The following RABGAP1L variants were observed in gnomAD, a reference collection of about 807,000 sequenced individuals.
The protein encoded by RABGAP1L is RAB GTPase activating protein 1 like, also known as rab GTPase-activating protein 1-like.
RABGAP1L carries 63 observed loss-of-function variants against 137.7 expected under a neutral mutation model. That is an observed-to-expected ratio of 0.46 (90% CI 0.37 to 0.56). The LOEUF (loss-of-function observed/expected upper bound fraction) is 0.56. Ranked by LOEUF, RABGAP1L falls within the 20% of genes least tolerant of loss-of-function variation. The pLI is 0.00. For missense variants in RABGAP1L, 1,095 were observed against 1,244.0 expected, an observed-to-expected ratio of 0.88 and a Z score of 1.80; for synonymous variants, 431 against 433.7, an observed-to-expected ratio of 0.99 and a Z score of 0.08.
At chr1:174,487,151 T>C (rs574356213) in intron 13 of RABGAP1L, among the ~76,000 whole-genome samples, 57 of 152,314 alleles carry the variant, frequency 3.7e-4, no homozygotes, top group South Asian at 2.5e-3. Flanking sequence ...TGTTCTATAG[T>C]GCAGATTTAA....
chr1:174,501,383 T>C (rs1661267297), intron 13 of RABGAP1L, among the ~76,000 whole-genome samples: 1 of 152,090 alleles, frequency 6.6e-6, no homozygotes. Flanking sequence ...GAGAGGGGGT[T>C]TCACCATGTT....
intron 19 of RABGAP1L, among the ~76,000 whole-genome samples, chr1:174,873,757 C>T (rs1237491032): frequency 2.0e-5 from 3 of 152,112 alleles, no homozygotes; most frequent in Non-Finnish European, 4.4e-5. Context: ...GATCCACGCA[C>T]CTCGTCCTCC....
At chr1:174,637,514 T>G (rs1331805373) in intron 14 of RABGAP1L, 26 bp downstream of exon 14, 1 of 1,488,774 alleles carries the variant, frequency 6.7e-7, no homozygotes, top group Non-Finnish European at 9.3e-7. Context: ...TCACTTTTTC[T>G]AAATTATTTT....
intron 19 of RABGAP1L, among the ~76,000 whole-genome samples, chr1:174,844,097 C>G (rs1196993952): frequency 7.3e-5 from 11 of 151,188 alleles, no homozygotes; most frequent in South Asian, 2.1e-4. Flanking sequence ...TAAATTTGTT[C>G]GAGTTCATTG....
intron 19 of RABGAP1L, among the ~76,000 whole-genome samples, chr1:174,813,217 G>C (rs1051158230): frequency 2.0e-5 from 3 of 152,194 alleles, no homozygotes; most frequent in African/African-American, 7.2e-5. Flanking sequence ...CTTGAGAGAT[G>C]ATGATAGACT....
chr1:174,229,761 T>C (rs937369504), intron 3 of RABGAP1L, among the ~76,000 whole-genome samples: 14 of 152,208 alleles, frequency 9.2e-5, no homozygotes, highest in Non-Finnish European at 1.9e-4. Flanking sequence ...GCATGATTTA[T>C]AATACTTTGG....
At chr1:174,614,108 A>C (rs534447890) in intron 13 of RABGAP1L, among the ~76,000 whole-genome samples, 23 of 152,196 alleles carry the variant, frequency 1.5e-4, no homozygotes, top group African/African-American at 5.3e-4. Context: ...TTATGATGTT[A>C]GCTGGTGATT....
At chr1:174,853,780 A>G (rs1378219348) in intron 19 of RABGAP1L, among the ~76,000 whole-genome samples, 1 of 152,198 alleles carries the variant, frequency 6.6e-6, no homozygotes, top group African/African-American at 2.4e-5. Flanking sequence ...TCCAAAGCCC[A>G]AACCTGGCTC....
Position 174,815,132 on chromosome 1 carries a change from C to G in RABGAP1L, c.2340+3172C>G, listed in dbSNP as rs189176911. Among the ~76,000 whole-genome samples the G allele has an allele frequency of 9.2e-5, 14 of 152,332 alleles. No homozygotes were observed. In the East Asian group the frequency reaches 2.5e-3, roughly 27 times the overall value. ...AACACTAAGACCTATCCCACTGTTC[C>G]TACCACCTCCCCGTTCCCCACTCTG... On this transcript the variant is annotated intron_variant, in intron 19 of 25. Transcript: ENST00000681986.
At chr1:174,283,968 A>G (rs754492722) in intron 10 of RABGAP1L, among the ~76,000 whole-genome samples, 5 of 152,188 alleles carry the variant, frequency 3.3e-5, no homozygotes, top group Non-Finnish European at 7.3e-5. Context: ...CTAGTTCATG[A>G]ATTTTTCATC....
At chr1:174,758,489 T>C (rs1197970997) in intron 18 of RABGAP1L, among the ~76,000 whole-genome samples, 1 of 151,914 alleles carries the variant, frequency 6.6e-6, no homozygotes, top group Non-Finnish European at 1.5e-5. Flanking sequence ...CATTTTCTAC[T>C]TTGTATGCTT....
At chr1:174,699,707 C>G in intron 16 of RABGAP1L, 57 bp downstream of exon 16, 1 of 1,469,494 alleles carries the variant, frequency 6.8e-7, no homozygotes, top group South Asian at 1.2e-5. Context: ...ATAGAAAAAG[C>G]CTAATAGAGT....
chr1:174,311,165 C>T (rs1678805206), intron 11 of RABGAP1L, among the ~76,000 whole-genome samples: 1 of 152,090 alleles, frequency 6.6e-6, no homozygotes, highest in African/African-American at 2.4e-5. Context: ...AATTGACTCA[C>T]AGTTTTGCAT....
At chr1:174,944,462 A>G (rs577897975) in intron 19 of RABGAP1L, among the ~76,000 whole-genome samples, 8 of 151,736 alleles carry the variant, frequency 5.3e-5, no homozygotes, top group Non-Finnish European at 1.0e-4. Flanking sequence ...GGGGCAACAC[A>G]GTGAAACCCC....
At chr1:174,520,310 A>G (rs996753548) in intron 13 of RABGAP1L, among the ~76,000 whole-genome samples, 7 of 152,242 alleles carry the variant, frequency 4.6e-5, no homozygotes, top group African/African-American at 1.4e-4. Context: ...TTAACTCTCT[A>G]GTCTCAAAGT....
chr1:174,219,010 C>A, intron 1 of RABGAP1L, 115 bp from the exon 2 acceptor site: 1 of 780,264 alleles, frequency 1.3e-6, no homozygotes, highest in Non-Finnish European at 2.0e-6. Context: ...AATTATCTAG[C>A]CAGCAGGATT....
rs1198435841 is a variant in RABGAP1L at position 174,252,590 on chromosome 1, G to C, written c.986G>C (p.Arg329Thr). 1 of 1,608,586 alleles carries C rather than the reference G, an allele frequency of 6.2e-7. No individual in the cohort carries two copies. The highest frequency in any genetic ancestry group is 8.5e-7 in the Non-Finnish European group (1 of 1,178,302). The change falls in exon 7 of 26, where the codon AGA becomes ACA. Residue 329 changes from arginine (R) to threonine (T), a missense_variant and splice_region_variant. By Grantham distance (71) the Arg-to-Thr change is moderately conservative (BLOSUM62 -1). Around this residue, in one of 4 missense-constraint regions of RABGAP1L, gnomAD observed 112 missense variants for 157.3 expected, o/e 0.71. Transcript: ENST00000681986. The part of the protein sequence containing the change: ...QLSNKELAIE[R>T]CFGMLLSPGR... ...TCTAACAAAGAATTAGCTATTGAAAGGTAAGCAGCTTGCTCCTAAATGCTA... is the reference window on the plus strand; with the variant it reads ...TCTAACAAAGAATTAGCTATTGAAACGTAAGCAGCTTGCTCCTAAATGCTA...
At chr1:174,954,584 AC>A (rs1209696911) in intron 19 of RABGAP1L, among the ~76,000 whole-genome samples, 1 of 152,242 alleles carries the variant, frequency 6.6e-6, no homozygotes, top group African/African-American at 2.4e-5. Context: ...TTCTCTAGGC[AC>A]AAGCTTCCAG....
chr1:174,438,387 AAAATTGACGTTCTTAACAAT>A (rs1653681970), intron 13 of RABGAP1L, among the ~76,000 whole-genome samples: 1 of 152,112 alleles, frequency 6.6e-6, no homozygotes, highest in South Asian at 2.1e-4. Context: ...CAATTTGAGA[AAAATTGACGTTCTTAACAAT>A]ATTGATTCTC....
Sources: allele counts gnomAD v4.1 joint callset (sites outside exome capture counted in the v4.1 genomes callset), GRCh38; gene constraint gnomAD v4.1.1; regional missense constraint gnomAD v4.1.1; transcripts MANE v1.5; gene names NCBI Gene and HGNC (gene_info 2026-07-23, HGNC 2026-07-21).